CSMD1: variants seen among roughly 807,000 people sequenced by gnomAD.
The protein encoded by CSMD1 is CUB and Sushi multiple domains 1, also known as CUB and sushi domain-containing protein 1.
A neutral mutation model predicts 417.5 loss-of-function variants in CSMD1; 213 were observed. That is an observed-to-expected ratio of 0.51 (90% CI 0.46 to 0.57). The LOEUF is 0.57. Ranked by LOEUF, CSMD1 falls within the 20% of genes least tolerant of loss-of-function variation. The probability of loss-of-function intolerance (pLI) is 0.00; values close to 1 mark genes in which losing one functional copy is unlikely to be tolerated. For missense variants in CSMD1, 6,923 were observed against 4,529.7 expected, an observed-to-expected ratio of 1.53 and a Z score of -15.17; for synonymous variants, 2,862 against 1,736.8, an observed-to-expected ratio of 1.65 and a Z score of -16.11.
At chr8:4,927,448 G>C (rs956769438) in intron 1 of CSMD1, among the ~76,000 whole-genome samples, 2 of 152,136 alleles carry the variant, frequency 1.3e-5, no homozygotes, top group African/African-American at 4.8e-5. Context: ...TTTAATGTAG[G>C]ACTCAAGAAC....
At chr8:4,146,137 A>T (rs1041623072) in intron 3 of CSMD1, among the ~76,000 whole-genome samples, 1 of 150,906 alleles carries the variant, frequency 6.6e-6, no homozygotes, top group Non-Finnish European at 1.5e-5. Flanking sequence ...CAGAGCCTAC[A>T]TATGATGGGT....
chr8:3,813,320 T>C (rs1801187914), intron 5 of CSMD1, among the ~76,000 whole-genome samples: 1 of 152,176 alleles, frequency 6.6e-6, no homozygotes, highest in South Asian at 2.1e-4. Flanking sequence ...TAAGATATCA[T>C]ATGATCTGTT....
At chr8:3,034,843 G>T (rs1810570260) in intron 50 of CSMD1, among the ~76,000 whole-genome samples, 1 of 152,194 alleles carries the variant, frequency 6.6e-6, no homozygotes, top group Non-Finnish European at 1.5e-5. Context: ...GAGGATGGTA[G>T]AATACATGAA....
Position 4,067,145 on chromosome 8 carries a change from A to C in CSMD1, c.416-35046T>G, listed in dbSNP as rs141322274. On this transcript the variant is annotated intron_variant, in intron 3 of 69. Coordinates refer to ENST00000635120, the MANE Select transcript of CSMD1 (RefSeq NM_033225.6). ...CACAGAGTCACTTCATGCAAAACCA[A>C]AGGGAAAGCAAGGATGAAAGATACT... Among the ~76,000 whole-genome samples the C allele has an allele frequency of 7.0e-4, 107 of 152,354 alleles. No homozygotes were observed. In the Middle Eastern group the frequency reaches 0.01, roughly 15 times the overall value.
chr8:4,779,937 T>C (rs1189557581), intron 1 of CSMD1, among the ~76,000 whole-genome samples: 3 of 151,734 alleles, frequency 2.0e-5, no homozygotes, highest in African/African-American at 4.8e-5. Context: ...AGAAAATAAA[T>C]ACACCTTACT....
intron 6 of CSMD1, among the ~76,000 whole-genome samples, chr8:3,753,119 G>A (rs1253926869): frequency 6.6e-6 from 1 of 152,174 alleles, no homozygotes; most frequent in African/African-American, 2.4e-5. Flanking sequence ...CTGGCACATG[G>A]CAGGTGTTCA....
chr8:3,734,468 T>A (rs1796425929), intron 6 of CSMD1, among the ~76,000 whole-genome samples: 1 of 152,214 alleles, frequency 6.6e-6, no homozygotes, highest in African/African-American at 2.4e-5. Flanking sequence ...CCCAGCACTT[T>A]GAGAGGCTGA....
At chr8:4,291,694 G>A (rs899241681) in intron 3 of CSMD1, among the ~76,000 whole-genome samples, 1 of 152,064 alleles carries the variant, frequency 6.6e-6, no homozygotes, top group Non-Finnish European at 1.5e-5. Flanking sequence ...TTATTCAACG[G>A]GTGGTAAAAT....
intron 5 of CSMD1, among the ~76,000 whole-genome samples, chr8:3,976,725 C>A (rs1813463599): frequency 6.6e-6 from 1 of 152,154 alleles, no homozygotes; most frequent in South Asian, 2.1e-4. Flanking sequence ...CACAAGAACC[C>A]TATGAAGTGG....
At chr8:4,123,324 C>T (rs1056818902) in intron 3 of CSMD1, among the ~76,000 whole-genome samples, 3 of 152,200 alleles carry the variant, frequency 2.0e-5, no homozygotes, top group African/African-American at 7.2e-5. Flanking sequence ...GGAGCAGATG[C>T]ATGCCAATTA....
chr8:3,624,847 T>C (rs1223482140), intron 7 of CSMD1, among the ~76,000 whole-genome samples: 1 of 152,210 alleles, frequency 6.6e-6, no homozygotes, highest in Non-Finnish European at 1.5e-5. Flanking sequence ...TGAAAAGTAA[T>C]AGCTCTATTT....
intron 5 of CSMD1, among the ~76,000 whole-genome samples, chr8:3,911,097 G>A (rs1003972790): frequency 6.6e-6 from 1 of 152,136 alleles, no homozygotes; most frequent in Non-Finnish European, 1.5e-5. Flanking sequence ...AAATCACCTT[G>A]GCAGCTGTGG....
At chr8:4,440,546 C>T (rs1484199289) in intron 2 of CSMD1, among the ~76,000 whole-genome samples, 15 of 152,264 alleles carry the variant, frequency 9.9e-5, no homozygotes, top group East Asian at 3.9e-4. Flanking sequence ...ACATTGCTGA[C>T]ATGCATATCT....
intron 11 of CSMD1, among the ~76,000 whole-genome samples, chr8:3,487,631 G>A (rs990698941): frequency 3.3e-5 from 5 of 152,216 alleles, no homozygotes; most frequent in Non-Finnish European, 7.4e-5. Context: ...AATTCTTAAC[G>A]TTTATCTACT....
At chr8:4,258,749 C>A (rs964888078) in intron 3 of CSMD1, among the ~76,000 whole-genome samples, 2 of 152,016 alleles carry the variant, frequency 1.3e-5, no homozygotes, top group Admixed American at 1.3e-4. Flanking sequence ...AGGACACAGA[C>A]ATTTAGTCCT....
chr8:4,374,961 T>TGG (rs386411922), intron 3 of CSMD1, among the ~76,000 whole-genome samples: 307 of 18,770 alleles, frequency 0.016, 2 homozygotes, highest in Middle Eastern at 0.05. Context: ...AAAGGTGGGG[T>TGG]GGGGGGGGGG....
intron 3 of CSMD1, among the ~76,000 whole-genome samples, chr8:4,335,592 A>G (rs1283994421): frequency 1.3e-5 from 2 of 152,176 alleles, no homozygotes; most frequent in Non-Finnish European, 2.9e-5. Context: ...ACTTTTCCTT[A>G]AAACTACTCT....
intron 5 of CSMD1, among the ~76,000 whole-genome samples, chr8:3,764,339 T>C (rs901638132): frequency 6.6e-6 from 1 of 152,210 alleles, no homozygotes; most frequent in African/African-American, 2.4e-5. Context: ...TTGTGCTCCC[T>C]GCCCCTCTCT....
chr8:4,612,083 C>T (rs929103214), intron 2 of CSMD1, among the ~76,000 whole-genome samples: 1 of 152,004 alleles, frequency 6.6e-6, no homozygotes, highest in Non-Finnish European at 1.5e-5. Context: ...TAGAAGAGTG[C>T]TGGGAAGAGG....
Sources: gnomAD v4.1 joint callset for allele counts (sites outside exome capture counted in the v4.1 genomes callset) on GRCh38, gnomAD v4.1.1 for gene constraint, MANE v1.5 for transcripts, NCBI Gene and HGNC (gene_info 2026-07-23, HGNC 2026-07-21) for gene names.